The following HIP1 variants were observed in gnomAD, a reference collection of about 807,000 sequenced individuals.
HIP1 encodes the protein huntingtin-interacting protein 1.
HIP1 carries 65 observed loss-of-function variants against 147.6 expected under a neutral mutation model. The ratio of observed to expected loss-of-function variants is 0.44; its 90% CI spans 0.36 to 0.54. The LOEUF (loss-of-function observed/expected upper bound fraction) is 0.54. Among genes scored for constraint, HIP1 ranks in the 20% least tolerant of loss-of-function variants. HIP1 has a pLI of 0.00. For synonymous variants in HIP1, 479 were observed against 504.0 expected (o/e 0.95, Z 0.67); for missense variants, 1,061 against 1,299.6 (o/e 0.82, Z 2.82).
intron 13 of HIP1, among the ~76,000 whole-genome samples, chr7:75,560,194 G>C (rs1795174540): frequency 6.6e-6 from 1 of 152,118 alleles, no homozygotes; most frequent in Non-Finnish European, 1.5e-5. Context: ...CACTGTGAGG[G>C]GCGGTTGTTA....
rs1244951846 is a variant in HIP1, at chr7:75,634,911, G to C, written c.121-35664C>G. On this transcript the variant is annotated intron_variant, in intron 1 of 30. Transcript: ENST00000336926. ...GCTACAATTGTGCCACTGCACTCCA[G>C]GCTAGGTGACAGAGTGAGACACTAT... Among the ~76,000 whole-genome samples the C allele has an allele frequency of 7.5e-5, 10 of 132,674 alleles. No individual in the cohort carries two copies. In the Admixed American group the frequency reaches 8.9e-4, roughly 12 times the overall value. The allele number at this position is 132,674 out of a possible 152,430, so 87.0% of individuals were successfully genotyped here. A position where few individuals can be genotyped will look rare whatever the true frequency, so the allele number is the denominator to read the frequency against.
chr7:75,622,370 T>TCTGGGGACAGC (rs1206210260), intron 1 of HIP1, among the ~76,000 whole-genome samples: 1 of 151,636 alleles, frequency 6.6e-6, no homozygotes, highest in African/African-American at 2.4e-5. Context: ...AGATGAGATG[T>TCTGGGGACAGC]CTGGGGACAG....
chr7:75,664,680 G>A (rs1442805950), intron 1 of HIP1, among the ~76,000 whole-genome samples: 1 of 151,798 alleles, frequency 6.6e-6, no homozygotes, highest in Non-Finnish European at 1.5e-5. Flanking sequence ...GAGTGCAGTA[G>A]TACAATCTCG....
At chr7:75,552,155 T>C (rs1007113020) in intron 22 of HIP1, among the ~76,000 whole-genome samples, 2 of 152,118 alleles carry the variant, frequency 1.3e-5, no homozygotes, top group East Asian at 1.9e-4. Context: ...CCTCCCAAAA[T>C]GTTGGGATTA....
At chr7:75,672,340 C>A (rs782465853) in intron 1 of HIP1, among the ~76,000 whole-genome samples, 2 of 133,554 alleles carry the variant, frequency 1.5e-5, no homozygotes, top group African/African-American at 2.8e-5. Context: ...TTTTTTTTTC[C>A]TTTTGAAAGA....
chr7:75,639,241 G>A, intron 1 of HIP1: 3 of 968,258 alleles, frequency 3.1e-6, no homozygotes, highest in Non-Finnish European at 2.4e-6. Context: ...ACCGGAGAAA[G>A]GAAGGGGAGG....
At chr7:75,717,060 C>T (rs1801345940) in intron 1 of HIP1, among the ~76,000 whole-genome samples, 1 of 152,030 alleles carries the variant, frequency 6.6e-6, no homozygotes, top group Admixed American at 6.6e-5. Context: ...CTCAAGCAAT[C>T]CTCTCGCCCC....
intron 22 of HIP1, among the ~76,000 whole-genome samples, chr7:75,549,867 G>A (rs1794717994): frequency 6.7e-6 from 1 of 149,988 alleles, no homozygotes; most frequent in African/African-American, 2.5e-5. Flanking sequence ...ATAGAGATGG[G>A]GTCTCACTAT....
chr7:75,684,447 C>CAAAAAA (rs59055803), intron 1 of HIP1, among the ~76,000 whole-genome samples: 2 of 43,832 alleles, frequency 4.6e-5, no homozygotes, highest in South Asian at 7.0e-4. Flanking sequence ...GACTCCGTCT[C>CAAAAAA]AAAAAAAAAA....
chr7:75,676,405 T>C (rs1277933466), intron 1 of HIP1, among the ~76,000 whole-genome samples: 11 of 152,304 alleles, frequency 7.2e-5, no homozygotes, highest in African/African-American at 2.6e-4. Flanking sequence ...TATTGCCTTC[T>C]GAAGTCCTTC....
At position 75,637,999 on chromosome 7, in the gene HIP1, C is replaced by CAT. The variant is rs1214885280; in HGVS notation, c.121-38753_121-38752insAT. Among the ~76,000 whole-genome samples the CAT allele has an allele frequency of 4.4e-3, 323 of 73,130 alleles. 20 individuals are homozygous for CAT. Among genetic ancestry groups the CAT allele is most frequent in the African/African-American group, 0.024 (303 of 12,788 alleles). 48.0% of individuals were successfully genotyped at this position (73,130 alleles called of 152,430 possible). On this transcript the variant is annotated intron_variant, in intron 1 of 30. Transcript: ENST00000336926. ...CAGACCCCCCCCCCCCCCCCACACACACACATACACACACACACACACACA... is the reference window on the plus strand; with the variant it reads ...CAGACCCCCCCCCCCCCCCCACACACATACACATACACACACACACACACACA...
chr7:75,733,973 C>T (rs1554523364), intron 1 of HIP1, among the ~76,000 whole-genome samples: 2 of 151,938 alleles, frequency 1.3e-5, no homozygotes, highest in South Asian at 2.1e-4. Flanking sequence ...AGGCCAGGAA[C>T]GATGGCTTAT....
At chr7:75,688,464 G>A (rs1172881638) in intron 1 of HIP1, among the ~76,000 whole-genome samples, 1 of 152,050 alleles carries the variant, frequency 6.6e-6, no homozygotes, top group Non-Finnish European at 1.5e-5. Context: ...GCCCCTCGAC[G>A]GGTGGGGGAC....
intron 22 of HIP1, among the ~76,000 whole-genome samples, chr7:75,552,243 T>G (rs996101627): frequency 8.6e-5 from 13 of 151,828 alleles, no homozygotes; most frequent in Non-Finnish European, 1.5e-5. Flanking sequence ...GGGGAAAAAA[T>G]GAAAAAAAAC....
At chr7:75,738,779 C>T (rs1012792891) in intron 1 of HIP1, 22 bp downstream of exon 1, 9 of 1,596,546 alleles carry the variant, frequency 5.6e-6, no homozygotes, top group Non-Finnish European at 6.8e-6. Flanking sequence ...CCCAGGGATG[C>T]CCCGGGGTCC....
chr7:75,686,809 G>A (rs1395684802), intron 1 of HIP1, among the ~76,000 whole-genome samples: 4 of 150,918 alleles, frequency 2.7e-5, no homozygotes, highest in Non-Finnish European at 5.9e-5. Flanking sequence ...CTACAGTGCA[G>A]GTGCATGCTG....
intron 1 of HIP1, among the ~76,000 whole-genome samples, chr7:75,730,545 G>A (rs1801806166): frequency 6.6e-6 from 1 of 151,436 alleles, no homozygotes. Flanking sequence ...CTCCATGTTG[G>A]TCAGGCTGGT....
intron 7 of HIP1, among the ~76,000 whole-genome samples, chr7:75,575,075 T>C (rs1275734189): frequency 6.6e-6 from 1 of 151,912 alleles, no homozygotes; most frequent in East Asian, 1.9e-4. Context: ...GGAGAATCGC[T>C]TGAACCCAGG....
intron 1 of HIP1, 124 bp downstream of exon 1, chr7:75,738,677 G>A (rs1354431471): frequency 6.7e-6 from 8 of 1,200,598 alleles, no homozygotes; most frequent in Non-Finnish European, 9.2e-6. Flanking sequence ...CAATGCCCCC[G>A]CTCACTACAC....
Sources: allele counts gnomAD v4.1 joint callset (sites outside exome capture counted in the v4.1 genomes callset), GRCh38; gene constraint gnomAD v4.1.1; transcripts MANE v1.5; gene names NCBI Gene and HGNC (gene_info 2026-07-23, HGNC 2026-07-21).